TTC28: variants seen among roughly 807,000 people sequenced by gnomAD.
The protein encoded by TTC28 is tetratricopeptide repeat protein 28.
TTC28 carries 61 observed loss-of-function variants against 198.0 expected under a neutral mutation model. That is an observed-to-expected ratio of 0.31 (90% CI 0.25 to 0.38). The LOEUF (loss-of-function observed/expected upper bound fraction) is 0.38, where lower values mean the gene tolerates loss of function less well. Among genes scored for constraint, TTC28 ranks in the 10% least tolerant of loss-of-function variants. The pLI is 1.00. For synonymous variants in TTC28, 1,171 were observed against 1,297.8 expected (o/e 0.90, Z 2.10); for missense variants, 2,678 against 3,164.0 (o/e 0.85, Z 3.69).
chr22:28,407,431 G>A (rs1461417538), intron 2 of TTC28, among the ~76,000 whole-genome samples: 1 of 151,822 alleles, frequency 6.6e-6, no homozygotes, highest in African/African-American at 2.4e-5. Context: ...CGGGAATATG[G>A]AAGAATTGTT....
rs577363031 is a variant in TTC28 at position 28,577,878 on chromosome 22, G to A, written c.381+51674C>T. Reference sequence around the variant, plus strand: ...TCTTTATAGGTGAAGTGTGTTTCTTGTAGGTAACAGATGATGGTGTCTTGT... The same window carrying A: ...TCTTTATAGGTGAAGTGTGTTTCTTATAGGTAACAGATGATGGTGTCTTGT... On this transcript the variant is annotated intron_variant, in intron 2 of 22. Coordinates refer to ENST00000397906, the MANE Select transcript of TTC28 (RefSeq NM_001145418.2). Among the ~76,000 whole-genome samples the A allele has an allele frequency of 2.6e-5, 4 of 152,082 alleles. No homozygotes were observed. In the East Asian group the frequency reaches 7.7e-4, roughly 29 times the overall value.
intron 5 of TTC28, among the ~76,000 whole-genome samples, chr22:28,280,078 T>C (rs998779844): frequency 1.3e-5 from 2 of 152,202 alleles, no homozygotes; most frequent in Non-Finnish European, 2.9e-5. Flanking sequence ...TATGGACACA[T>C]GTTTTCAATT....
intron 2 of TTC28, among the ~76,000 whole-genome samples, chr22:28,372,361 C>T (rs1056931229): frequency 5.9e-5 from 9 of 152,098 alleles, no homozygotes; most frequent in East Asian, 1.9e-4. Context: ...TAAACAGCCA[C>T]GCACATAATT....
intron 2 of TTC28, among the ~76,000 whole-genome samples, chr22:28,371,205 A>G (rs1461980965): frequency 6.6e-6 from 1 of 151,892 alleles, no homozygotes; most frequent in Non-Finnish European, 1.5e-5. Context: ...TTTCCATACA[A>G]ATTTTCTTTC....
At chr22:27,985,377 A>AGC in intron 21 of TTC28, 21 bp from the exon 22 acceptor site, 1 of 1,529,334 alleles carries the variant, frequency 6.5e-7, no homozygotes, top group Non-Finnish European at 8.9e-7. Context: ...AAAGAATATA[A>AGC]GCATCTGCTT....
chr22:28,578,899 C>A (rs1441352349), intron 2 of TTC28, among the ~76,000 whole-genome samples: 1 of 151,968 alleles, frequency 6.6e-6, no homozygotes, highest in Admixed American at 6.6e-5. Context: ...GCTATTGGAA[C>A]CAGAGTTCCA....
At chr22:28,536,932 TTAATA>T (rs1278557612) in intron 2 of TTC28, among the ~76,000 whole-genome samples, 2 of 151,354 alleles carry the variant, frequency 1.3e-5, no homozygotes, top group South Asian at 2.1e-4. Flanking sequence ...TATGTATAAT[TTAATA>T]TATTAACATT....
At chr22:28,115,287 A>C (rs575984596) in intron 6 of TTC28, among the ~76,000 whole-genome samples, 9 of 152,196 alleles carry the variant, frequency 5.9e-5, no homozygotes, top group African/African-American at 1.9e-4. Flanking sequence ...CAGCCTCCCA[A>C]GTAGCTGGGA....
intron 2 of TTC28, among the ~76,000 whole-genome samples, chr22:28,616,809 T>G (rs2050911527): frequency 6.6e-6 from 1 of 151,156 alleles, no homozygotes; most frequent in South Asian, 2.1e-4. Flanking sequence ...ATCATGCCAC[T>G]GCACTCCAGC....
At chr22:28,312,176 A>AT (rs1227444719) in intron 2 of TTC28, among the ~76,000 whole-genome samples, 1 of 152,220 alleles carries the variant, frequency 6.6e-6, no homozygotes, top group Non-Finnish European at 1.5e-5. Flanking sequence ...TATCCTAAAT[A>AT]TATATGCAAC....
intron 2 of TTC28, among the ~76,000 whole-genome samples, chr22:28,476,854 T>TA (rs1459717029): frequency 1.2e-4 from 18 of 151,860 alleles, no homozygotes; most frequent in Non-Finnish European, 1.2e-4. Context: ...TTCATAATAG[T>TA]AAAAAAAATG....
chr22:28,183,055 T>A (rs914706289), intron 5 of TTC28, among the ~76,000 whole-genome samples: 16 of 151,860 alleles, frequency 1.1e-4, no homozygotes, highest in Admixed American at 6.6e-5. Context: ...AATGTCTTTT[T>A]TTTTTTTTTT....
chr22:28,014,338 G>A lies in TTC28; in HGVS notation c.4128C>T (p.Asp1376=), dbSNP rs367712212. The A allele has an allele frequency of 4.5e-4, 703 of 1,551,512 alleles. No individual in the cohort carries two copies. The highest frequency in any genetic ancestry group is 5.8e-4 in the Non-Finnish European group (668 of 1,146,964). Residue 1376 remains aspartate (D), a synonymous_variant, in exon 14 of 23, where the codon GAC becomes GAT. Transcript: ENST00000397906. ...GCCTCCTGGGAAGAGAGGAGGTCCCGTCCTGGGTCGGTGACACAGTGTTAC... is the reference window on the plus strand; with the variant it reads ...GCCTCCTGGGAAGAGAGGAGGTCCCATCCTGGGTCGGTGACACAGTGTTAC... ...LFSNTVSPTQ[D]GTSSLPRRQS...
At chr22:28,484,489 T>C (rs950628995) in intron 2 of TTC28, among the ~76,000 whole-genome samples, 3 of 152,156 alleles carry the variant, frequency 2.0e-5, no homozygotes, top group African/African-American at 7.2e-5. Context: ...GCAAACCCCA[T>C]ATTTGTCATT....
At chr22:28,255,231 T>C (rs1036882557) in intron 5 of TTC28, among the ~76,000 whole-genome samples, 1 of 151,764 alleles carries the variant, frequency 6.6e-6, no homozygotes, top group Admixed American at 6.6e-5. Flanking sequence ...ACACAATAAA[T>C]TGAGAATTAG....
intron 1 of TTC28, among the ~76,000 whole-genome samples, chr22:28,637,762 A>G (rs2051299699): frequency 6.6e-6 from 1 of 152,100 alleles, no homozygotes; most frequent in South Asian, 2.1e-4. Context: ...AATTAAAAAA[A>G]AAAAACAGGA....
At chr22:28,471,762 T>C (rs1465168051) in intron 2 of TTC28, among the ~76,000 whole-genome samples, 1 of 152,182 alleles carries the variant, frequency 6.6e-6, no homozygotes, top group Admixed American at 6.5e-5. Flanking sequence ...TGGAGTGTGA[T>C]TTCTGTATAA....
At chr22:28,239,556 A>G (rs1929509794) in intron 5 of TTC28, among the ~76,000 whole-genome samples, 1 of 152,230 alleles carries the variant, frequency 6.6e-6, no homozygotes, top group Non-Finnish European at 1.5e-5. Flanking sequence ...AAAAGCCACT[A>G]GGAAGATTAA....
At chr22:28,485,111 TAG>T (rs906609045) in intron 2 of TTC28, among the ~76,000 whole-genome samples, 30 of 152,316 alleles carry the variant, frequency 2.0e-4, no homozygotes, top group African/African-American at 7.0e-4. Context: ...ATAATCTACA[TAG>T]AGTCAACACT....
Sources: gnomAD v4.1 joint callset for allele counts (sites outside exome capture counted in the v4.1 genomes callset) on GRCh38, gnomAD v4.1.1 for gene constraint, MANE v1.5 for transcripts, NCBI Gene and HGNC (gene_info 2026-07-23, HGNC 2026-07-21) for gene names.